Variants in SPTLC3 observed in about 807,000 individuals in gnomAD.
SPTLC3 encodes serine palmitoyltransferase long chain base subunit 3.
SPTLC3 carries 36 observed loss-of-function variants against 59.3 expected under a neutral mutation model. That is an observed-to-expected ratio of 0.61 (90% CI 0.47 to 0.80). The LOEUF is 0.80. Ranked by LOEUF, SPTLC3 falls within the 30% of genes least tolerant of loss-of-function variation. The pLI, the probability that SPTLC3 is intolerant of heterozygous loss-of-function variation, is 0.00. For synonymous variants in SPTLC3, 257 were observed against 240.8 expected (o/e 1.07, Z -0.62); for missense variants, 625 against 685.1 (o/e 0.91, Z 0.98).
intron 7 of SPTLC3, among the ~76,000 whole-genome samples, chr20:13,116,580 C>T (rs1471437334): frequency 6.6e-6 from 1 of 152,094 alleles, no homozygotes; most frequent in East Asian, 1.9e-4. Context: ...CCAGGAGGAT[C>T]TTTGTTAATT....
intron 1 of SPTLC3, among the ~76,000 whole-genome samples, chr20:13,045,618 AAATT>A (rs1258767188): frequency 3.3e-5 from 5 of 152,232 alleles, no homozygotes; most frequent in African/African-American, 1.2e-4. Context: ...CTGCCAAATA[AAATT>A]AATTAAGTGA....
At chr20:13,161,527 G>A (rs932955133) in intron 11 of SPTLC3, among the ~76,000 whole-genome samples, 5 of 152,124 alleles carry the variant, frequency 3.3e-5, no homozygotes, top group Admixed American at 6.5e-5. Flanking sequence ...TACAGGAATC[G>A]CAGGTGGGGA....
chr20:13,119,312 C>G (rs1277419040), intron 8 of SPTLC3, among the ~76,000 whole-genome samples: 1 of 152,152 alleles, frequency 6.6e-6, no homozygotes, highest in Non-Finnish European at 1.5e-5. Flanking sequence ...ATTTTTCCCC[C>G]TAGAGTAGCT....
chr20:13,031,242 C>T (rs934336), intron 1 of SPTLC3, among the ~76,000 whole-genome samples: 12,732 of 152,234 alleles, frequency 0.084, 582 homozygotes, highest in African/African-American at 0.11. Flanking sequence ...TAGCCACCAA[C>T]TACATGAGAA....
At chr20:13,129,291 T>C (rs1469112833) in intron 9 of SPTLC3, among the ~76,000 whole-genome samples, 1 of 152,178 alleles carries the variant, frequency 6.6e-6, no homozygotes, top group East Asian at 1.9e-4. Context: ...CGTGAGCCAC[T>C]GTGCCTGTCT....
intron 1 of SPTLC3, 145 bp downstream of exon 1, chr20:13,009,529 G>A (rs1985118961): frequency 1.3e-6 from 1 of 748,484 alleles, no homozygotes; most frequent in African/African-American, 1.8e-5. Context: ...TTAATAGAAA[G>A]TGCTTGGCTA....
chr20:13,019,990 T>C (rs1985783596), intron 1 of SPTLC3, among the ~76,000 whole-genome samples: 1 of 152,204 alleles, frequency 6.6e-6, no homozygotes, highest in South Asian at 2.1e-4. Flanking sequence ...AATGTGTGTA[T>C]TCCCTGACTT....
intron 1 of SPTLC3, among the ~76,000 whole-genome samples, chr20:13,031,229 AGGTAG>A (rs1986430788): frequency 2.6e-5 from 4 of 152,192 alleles, no homozygotes; most frequent in African/African-American, 7.2e-5. Context: ...CTGTCCAGTA[AGGTAG>A]CCACCAACTA....
chr20:13,014,025 T>C (rs1985392298), intron 1 of SPTLC3, among the ~76,000 whole-genome samples: 1 of 152,258 alleles, frequency 6.6e-6, no homozygotes, highest in South Asian at 2.1e-4. Context: ...CTCATTATTC[T>C]GCAGAGTAGC....
rs541991879 is a variant in SPTLC3 at position 13,127,002 on chromosome 20, G to A, written c.1279+285G>A. The stretch of plus-strand genomic sequence containing the variant: ...ATATTGTTTGTGTGCGTGTGTGTGC[G>A]CGCACGTGAGCGTGCACATGTTTGC... On this transcript the variant is annotated intron_variant, in intron 9 of 11. Transcript: ENST00000399002. Among the ~76,000 whole-genome samples, 47 of 152,340 alleles carry A rather than the reference G, an allele frequency of 3.1e-4. No individual in the cohort carries two copies. The South Asian group carries it at 6.4e-3, about 21-fold the overall frequency.
At position 13,035,719 on chromosome 20, in the gene SPTLC3, C is replaced by T. The variant is rs543415656; in HGVS notation, c.118-13226C>T. ...CACATGTAGAATCAAGTGACACACT[C>T]TAAAAGAAGCAACTCTCCTATTTGT... On this transcript the variant is annotated intron_variant, in intron 1 of 11. Transcript: ENST00000399002. Among the ~76,000 whole-genome samples the T allele has an allele frequency of 2.5e-3, 374 of 152,268 alleles. 5 individuals are homozygous for T. Among genetic ancestry groups the T allele is most frequent in the African/African-American group, 7.9e-3 (330 of 41,564 alleles).
At chr20:13,053,488 A>T (rs1289773423) in intron 2 of SPTLC3, among the ~76,000 whole-genome samples, 1 of 152,092 alleles carries the variant, frequency 6.6e-6, no homozygotes, top group Non-Finnish European at 1.5e-5. Flanking sequence ...TTCTCCTCCA[A>T]AGGATCACAA....
chr20:13,114,920 A>G (rs766971247), intron 7 of SPTLC3, among the ~76,000 whole-genome samples: 3 of 152,226 alleles, frequency 2.0e-5, no homozygotes, highest in African/African-American at 4.8e-5. Flanking sequence ...CTAAGACATT[A>G]TGTAATAGAA....
At chr20:13,012,363 C>A (rs924943972) in intron 1 of SPTLC3, among the ~76,000 whole-genome samples, 1 of 152,142 alleles carries the variant, frequency 6.6e-6, no homozygotes, top group African/African-American at 2.4e-5. Context: ...TGAGCCCTAA[C>A]AGGTGGTTGC....
At chr20:13,018,740 T>C (rs988885648) in intron 1 of SPTLC3, among the ~76,000 whole-genome samples, 1 of 152,236 alleles carries the variant, frequency 6.6e-6, no homozygotes, top group Non-Finnish European at 1.5e-5. Flanking sequence ...ATTAACCTAA[T>C]TAATTGCAAG....
intron 6 of SPTLC3, among the ~76,000 whole-genome samples, chr20:13,106,261 C>G (rs180985887): frequency 8.4e-4 from 128 of 152,210 alleles, no homozygotes; most frequent in African/African-American, 2.9e-3. Context: ...AACATTGATG[C>G]AATTATTAGG....
chr20:13,110,272 A>G, intron 7 of SPTLC3, 55 bp downstream of exon 7: 2 of 1,450,070 alleles, frequency 1.4e-6, no homozygotes, highest in Non-Finnish European at 1.9e-6. Flanking sequence ...CAAGCTGACC[A>G]GTGCGGAAAG....
intron 1 of SPTLC3, among the ~76,000 whole-genome samples, chr20:13,029,693 T>A (rs978535733): frequency 4.6e-5 from 7 of 152,190 alleles, no homozygotes; most frequent in African/African-American, 1.7e-4. Flanking sequence ...AAATAACATG[T>A]GCTGCTTTCA....
At chr20:13,113,136 T>C (rs1990335374) in intron 7 of SPTLC3, among the ~76,000 whole-genome samples, 2 of 152,062 alleles carry the variant, frequency 1.3e-5, no homozygotes, top group African/African-American at 4.8e-5. Flanking sequence ...TGAGCCAAGA[T>C]CATGCCACTG....
Sources: allele counts gnomAD v4.1 joint callset (sites outside exome capture counted in the v4.1 genomes callset), GRCh38; gene constraint gnomAD v4.1.1; transcripts MANE v1.5; gene names NCBI Gene and HGNC (gene_info 2026-07-23, HGNC 2026-07-21).